OR2L13: variants seen among roughly 807,000 people sequenced by gnomAD.
OR2L13 encodes olfactory receptor 2L13.
Under a neutral mutation model 15.3 loss-of-function variants are expected in OR2L13, and 14 were observed. The observed-to-expected ratio is 0.91, with a 90% confidence interval of 0.60 to 1.43. The LOEUF (loss-of-function observed/expected upper bound fraction) is 1.43. OR2L13 is among the 40% of genes most tolerant of loss of function. The probability of loss-of-function intolerance (pLI) is 0.00; values close to 1 mark genes in which losing one functional copy is unlikely to be tolerated. For missense variants in OR2L13, 367 were observed against 387.9 expected (o/e 0.95, Z 0.45); for synonymous variants, 152 against 142.9 (o/e 1.06, Z -0.45).
chr1:248,018,079 C>T, the OR2L13 span, among the ~76,000 whole-genome samples: 1 of 149,472 alleles, frequency 6.7e-6, no homozygotes, highest in African/African-American at 2.5e-5. Flanking sequence ...GGCGTGAACC[C>T]GGGAGGCGGA....
the OR2L13 span, among the ~76,000 whole-genome samples, chr1:248,008,317 T>A: frequency 2.6e-5 from 4 of 152,298 alleles, no homozygotes; most frequent in African/African-American, 7.2e-5. Flanking sequence ...TTTCTATAAT[T>A]TATCATTCTT....
At chr1:248,008,285 C>T in the OR2L13 span, among the ~76,000 whole-genome samples, 1 of 152,152 alleles carries the variant, frequency 6.6e-6, no homozygotes, top group Non-Finnish European at 1.5e-5. Context: ...GGCTTCAAGC[C>T]AGTTTCTCTA....
the OR2L13 span, among the ~76,000 whole-genome samples, chr1:248,014,775 A>T: frequency 1.3e-5 from 2 of 152,090 alleles, no homozygotes; most frequent in African/African-American, 4.8e-5. Context: ...GCTCCTAATA[A>T]CCCATGGATT....
the OR2L13 span, among the ~76,000 whole-genome samples, chr1:247,941,555 T>C: frequency 6.6e-6 from 1 of 152,170 alleles, no homozygotes; most frequent in African/African-American, 2.4e-5. Flanking sequence ...AAAAAATAGA[T>C]GGATTTTGGT....
At chr1:248,071,329 A>G in the OR2L13 span, among the ~76,000 whole-genome samples, 3 of 152,128 alleles carry the variant, frequency 2.0e-5, no homozygotes, top group Non-Finnish European at 4.4e-5. Context: ...AATATATGCA[A>G]ATCAATAAAT....
the OR2L13 span, among the ~76,000 whole-genome samples, chr1:248,069,773 G>T: frequency 2.0e-5 from 3 of 152,074 alleles, no homozygotes; most frequent in East Asian, 5.8e-4. Flanking sequence ...TAAAAGGGCG[G>T]AGGAAGATCT....
chr1:248,005,892 G>C, the OR2L13 span, among the ~76,000 whole-genome samples: 2 of 152,176 alleles, frequency 1.3e-5, no homozygotes. Context: ...TTATGAATCA[G>C]AGTAAGTCTT....
At chr1:247,948,901 G>A in the OR2L13 span, 2 of 1,612,934 alleles carry the variant, frequency 1.2e-6, no homozygotes, top group Admixed American at 1.7e-5. Flanking sequence ...ATCTTATTGG[G>A]GCTGTTTCCA....
At chr1:248,055,447 G>A in the OR2L13 span, among the ~76,000 whole-genome samples, 1 of 152,022 alleles carries the variant, frequency 6.6e-6, no homozygotes, top group Non-Finnish European at 1.5e-5. Flanking sequence ...GCAGGATGAT[G>A]CTGGCCTCAT....
At chr1:247,955,891 G>T in the OR2L13 span, among the ~76,000 whole-genome samples, 1 of 151,640 alleles carries the variant, frequency 6.6e-6, no homozygotes. Context: ...CATTGTGTAG[G>T]TTGCCTGTTC....
the OR2L13 span, among the ~76,000 whole-genome samples, chr1:247,981,445 G>A: frequency 6.6e-6 from 1 of 152,074 alleles, no homozygotes; most frequent in South Asian, 2.1e-4. Context: ...GCTGTGATAT[G>A]GTTATCCAGA....
the OR2L13 span, among the ~76,000 whole-genome samples, chr1:248,060,085 A>G: frequency 6.6e-6 from 1 of 152,104 alleles, no homozygotes; most frequent in Non-Finnish European, 1.5e-5. Context: ...AGATCATCCT[A>G]TAAAGATAAT....
chr1:248,062,902 C>T, the OR2L13 span: 1 of 152,232 alleles, frequency 6.6e-6, no homozygotes, highest in East Asian at 1.9e-4. Flanking sequence ...AGAACCAGTT[C>T]ACTGTAGATA....
the OR2L13 span, among the ~76,000 whole-genome samples, chr1:248,054,998 T>G: frequency 0.99 from 151,476 of 152,322 alleles, 75,324 homozygotes; most frequent in Middle Eastern, 1. Context: ...CATGAGAGAT[T>G]GCATCCTTGT....
chr1:247,937,727 A>C, the OR2L13 span, among the ~76,000 whole-genome samples: 1 of 152,278 alleles, frequency 6.6e-6, no homozygotes, highest in Admixed American at 6.5e-5. Context: ...CACTCCCCTG[A>C]GCGCCTCTCC....
At chr1:248,080,244 GAATT>G in the OR2L13 span, among the ~76,000 whole-genome samples, 2 of 151,932 alleles carry the variant, frequency 1.3e-5, no homozygotes, top group Admixed American at 6.6e-5. Context: ...GAAGATGAAT[GAATT>G]CTTTTTTTCA....
the OR2L13 span, chr1:247,966,231 G>A: frequency 2.5e-6 from 4 of 1,613,412 alleles, no homozygotes; most frequent in Non-Finnish European, 3.4e-6. Flanking sequence ...CACCTCTACT[G>A]AACCCATTTA....
chr1:248,016,253 A>G, the OR2L13 span, among the ~76,000 whole-genome samples: 1 of 152,202 alleles, frequency 6.6e-6, no homozygotes, highest in Non-Finnish European at 1.5e-5. Flanking sequence ...TAGAATTGTA[A>G]TTATTATGCT....
chr1:247,972,402 A>T, the OR2L13 span, among the ~76,000 whole-genome samples: 3 of 152,216 alleles, frequency 2.0e-5, no homozygotes, highest in Non-Finnish European at 4.4e-5. Context: ...AGAAGAATCA[A>T]ATAGACACAA....
Sources: gnomAD v4.1 joint callset for allele counts (sites outside exome capture counted in the v4.1 genomes callset) on GRCh38, gnomAD v4.1.1 for gene constraint, MANE v1.5 for transcripts, NCBI Gene and HGNC (gene_info 2026-07-23, HGNC 2026-07-21) for gene names.